Variants in ATP6V1B1 observed in about 807,000 individuals in gnomAD.
ATP6V1B1 encodes the protein ATPase H+ transporting V1 subunit B1, also known as V-type proton ATPase subunit B, kidney isoform.
ATP6V1B1 carries 41 observed loss-of-function variants against 62.1 expected under a neutral mutation model. The ratio of observed to expected loss-of-function variants is 0.66; its 90% CI spans 0.51 to 0.86. The LOEUF is 0.86. Among genes scored for constraint, ATP6V1B1 ranks in the 40% least tolerant of loss-of-function variants. ATP6V1B1 has a pLI of 0.00. For missense variants in ATP6V1B1, 651 were observed against 697.5 expected (o/e 0.93, Z 0.75); for synonymous variants, 253 against 273.4 (o/e 0.93, Z 0.74).
chr2:70,963,437 C>T lies in ATP6V1B1; in HGVS notation c.1060+125C>T. 6.5e-7 allele frequency: 1 copy of T among 1,537,420 alleles called. No homozygotes were observed. Among genetic ancestry groups the T allele is most frequent in the Non-Finnish European group, 9.0e-7 (1 of 1,115,378 alleles). On this transcript the variant is annotated intron_variant, in intron 10 of 13. Transcript: ENST00000234396. The surrounding 1 kb of genome is among the most constrained non-coding windows in gnomAD (Gnocchi z 4.3). Reference sequence around the variant, plus strand: ...AGCGCTTTTCCTCCATCGAGATAGACACTGCCCTTTCCTCCACCATCCATG... The same window carrying T: ...AGCGCTTTTCCTCCATCGAGATAGATACTGCCCTTTCCTCCACCATCCATG...
rs1680639291 is a variant in ATP6V1B1, at chr2:70,963,468, C to T, written c.1061-104C>T. The T allele has an allele frequency of 1.3e-6, 2 of 1,527,440 alleles. No homozygotes were observed. Among genetic ancestry groups the T allele is most frequent in the Non-Finnish European group, 1.8e-6 (2 of 1,105,684 alleles). The allele number at this position is 1,527,440 out of a possible 1,614,324, so 94.6% of individuals were successfully genotyped here. A position where few individuals can be genotyped will look rare whatever the true frequency, so the allele number is the denominator to read the frequency against. ...CCTTTCCTCCACCATCCATGCCCCCCACACATCCCTATCACTCCCATGAGG... is the reference window on the plus strand; with the variant it reads ...CCTTTCCTCCACCATCCATGCCCCCTACACATCCCTATCACTCCCATGAGG... On this transcript the variant is annotated intron_variant, in intron 10 of 13. Coordinates refer to ENST00000234396, the MANE Select transcript of ATP6V1B1 (RefSeq NM_001692.4). This position sits in a 1 kb window ranked among gnomAD's most constrained non-coding sequence, Gnocchi z 4.3.
intron 2 of ATP6V1B1, among the ~76,000 whole-genome samples, chr2:70,945,160 A>G (rs1553417124): frequency 6.6e-6 from 1 of 152,188 alleles, no homozygotes; most frequent in African/African-American, 2.4e-5. Context: ...AAATTACGAG[A>G]TGTCACCGCC....
At chr2:70,941,361 GC>G in intron 1 of ATP6V1B1, 1 of 985,648 alleles carries the variant, frequency 1.0e-6, no homozygotes, top group Non-Finnish European at 1.2e-6. Flanking sequence ...CCAGCCCACT[GC>G]CCCTCTTTCT....
chr2:70,945,767 G>A (rs3901868), intron 2 of ATP6V1B1, among the ~76,000 whole-genome samples: 33,932 of 128,396 alleles, frequency 0.26, 4,607 homozygotes, highest in Middle Eastern at 0.33. Context: ...TCATCCTATT[G>A]TGGTATAGAA....
At chr2:70,948,874 G>A (rs1314953435) in intron 2 of ATP6V1B1, among the ~76,000 whole-genome samples, 5 of 152,132 alleles carry the variant, frequency 3.3e-5, no homozygotes, top group African/African-American at 1.2e-4. Context: ...GTTCCCTGGC[G>A]GAGTGGTCCC....
intron 2 of ATP6V1B1, chr2:70,943,988 G>A: frequency 1.0e-6 from 1 of 982,968 alleles, no homozygotes; most frequent in Non-Finnish European, 1.2e-6. Flanking sequence ...CTAACAAGCT[G>A]TCCTGCCTCC....
At chr2:70,938,886 C>T in intron 1 of ATP6V1B1, 1 of 809,732 alleles carries the variant, frequency 1.2e-6, no homozygotes. Flanking sequence ...TGAAGATCCC[C>T]CAGGAGCTTG....
At chr2:70,961,569 CT>C in intron 7 of ATP6V1B1, 26 bp from the exon 8 acceptor site, 1 of 1,612,628 alleles carries the variant, frequency 6.2e-7, no homozygotes, top group Non-Finnish European at 8.5e-7. Flanking sequence ...AGGGCCCTAC[CT>C]CCAGCCCACC....
chr2:70,964,564 G>A (rs782676004), intron 12 of ATP6V1B1, 22 bp downstream of exon 12: 38 of 1,612,348 alleles, frequency 2.4e-5, no homozygotes, highest in Non-Finnish European at 3.1e-5. Flanking sequence ...AGGGTCCGGG[G>A]GCTGGTAGGT....
chr2:70,960,664 G>T (rs1435031529), intron 6 of ATP6V1B1, among the ~76,000 whole-genome samples: 1 of 152,180 alleles, frequency 6.6e-6, no homozygotes, highest in Non-Finnish European at 1.5e-5. Flanking sequence ...CCTATGCCAA[G>T]GTACCCAGAC....
chr2:70,965,192 C>T lies in ATP6V1B1; in HGVS notation c.*71C>T. 5 of 1,584,916 alleles carry T rather than the reference C, an allele frequency of 3.2e-6. No homozygotes were observed. The highest frequency in any genetic ancestry group is 4.3e-6 in the Non-Finnish European group (5 of 1,171,484). ...GGCTCCCGGGTCTCCCCTCCCTCGCCACCCCAACCAGCGGCTTCTGCGCCG... is the reference window on the plus strand; with the variant it reads ...GGCTCCCGGGTCTCCCCTCCCTCGCTACCCCAACCAGCGGCTTCTGCGCCG... On this transcript the variant is annotated 3_prime_UTR_variant, in exon 14 of 14. Coordinates refer to ENST00000234396, the MANE Select transcript of ATP6V1B1 (RefSeq NM_001692.4).
Position 70,965,239 on chromosome 2 carries a change from C to T in ATP6V1B1, c.*118C>T. On this transcript the variant is annotated 3_prime_UTR_variant, in exon 14 of 14. Transcript: ENST00000234396. ...GCCGCCCTCCGCCCTCCGCTGGCTC[C>T]GAGGTGGTGGGGGCGCCGCACGCTC... The T allele has an allele frequency of 6.9e-7, 1 of 1,442,826 alleles. No homozygotes were observed. The highest frequency in any genetic ancestry group is 9.4e-7 in the Non-Finnish European group (1 of 1,060,482). 89.4% of individuals were successfully genotyped at this position (1,442,826 alleles called of 1,614,324 possible).
chr2:70,954,945 C>T (rs1282066291), intron 2 of ATP6V1B1, among the ~76,000 whole-genome samples: 3 of 152,160 alleles, frequency 2.0e-5, no homozygotes, highest in African/African-American at 7.2e-5. Context: ...CTGATGACAG[C>T]TGACGATGAG....
chr2:70,957,891 A>G (rs538305178), intron 2 of ATP6V1B1, 155 bp from the exon 3 acceptor site: 6 of 753,704 alleles, frequency 8.0e-6, no homozygotes, highest in East Asian at 2.7e-5. Flanking sequence ...ACAGAATTCA[A>G]ACTTTCACTT....
chr2:70,936,240 CA>C (rs1461484186), intron 1 of ATP6V1B1, among the ~76,000 whole-genome samples, 168 bp downstream of exon 1: 1 of 152,108 alleles, frequency 6.6e-6, no homozygotes, highest in Non-Finnish European at 1.5e-5. Context: ...CCACCTGGAC[CA>C]GAGGCCACCT....
At chr2:70,946,183 A>G (rs1268608808) in intron 2 of ATP6V1B1, among the ~76,000 whole-genome samples, 1 of 152,224 alleles carries the variant, frequency 6.6e-6, no homozygotes, top group East Asian at 1.9e-4. Flanking sequence ...TAGCATGACT[A>G]GCTATGCACC....
chr2:70,944,095 C>T (rs1033367889), intron 2 of ATP6V1B1: 158 of 1,284,774 alleles, frequency 1.2e-4, no homozygotes, highest in Non-Finnish European at 1.5e-4. Flanking sequence ...TAGACTCTCC[C>T]CACCCTCGAC....
chr2:70,944,655 T>C (rs979297401), intron 2 of ATP6V1B1, among the ~76,000 whole-genome samples: 13 of 150,802 alleles, frequency 8.6e-5, no homozygotes, highest in South Asian at 2.1e-4. Context: ...TGCCCTCAGC[T>C]TACAGGTCTT....
chr2:70,940,360 C>A, intron 1 of ATP6V1B1: 1 of 983,264 alleles, frequency 1.0e-6, no homozygotes, highest in Non-Finnish European at 1.2e-6. Flanking sequence ...CCCTATCCAG[C>A]CCACCCACCC....
Sources: allele counts gnomAD v4.1 joint callset (sites outside exome capture counted in the v4.1 genomes callset), GRCh38; gene constraint gnomAD v4.1.1; non-coding constraint Gnocchi (gnomAD v3.1); transcripts MANE v1.5; gene names NCBI Gene and HGNC (gene_info 2026-07-23, HGNC 2026-07-21).